Variants in GBF1 observed in about 807,000 individuals in gnomAD.
The protein encoded by GBF1 is Golgi-specific brefeldin A-resistance guanine nucleotide exchange factor 1.
Under a neutral mutation model 210.5 loss-of-function variants are expected in GBF1, and 114 were observed. That is an observed-to-expected ratio of 0.54 (90% CI 0.47 to 0.63). The LOEUF is 0.63. Ranked by LOEUF, GBF1 falls within the 30% of genes least tolerant of loss-of-function variation. The probability of loss-of-function intolerance (pLI) is 0.00; values close to 1 mark genes in which losing one functional copy is unlikely to be tolerated. For missense variants in GBF1, 1,851 were observed against 2,357.7 expected, an observed-to-expected ratio of 0.79 and a Z score of 4.45; for synonymous variants, 850 against 889.2, an observed-to-expected ratio of 0.96 and a Z score of 0.78.
intron 3 of GBF1, among the ~76,000 whole-genome samples, chr10:102,335,720 T>A (rs1435781641): frequency 6.6e-6 from 1 of 152,142 alleles, no homozygotes; most frequent in African/African-American, 2.4e-5. Flanking sequence ...ATCTTCAAAA[T>A]GGGGTTAATT....
intron 3 of GBF1, among the ~76,000 whole-genome samples, chr10:102,282,013 G>GC (rs1468977988): frequency 1.3e-5 from 2 of 148,406 alleles, no homozygotes; most frequent in Non-Finnish European, 3.0e-5. Context: ...TGCAAGCTCC[G>GC]CCTCCCAGGT....
Position 102,307,889 on chromosome 10 carries a change from A to C in GBF1, c.164-36162A>C, listed in dbSNP as rs145702817. 4.5e-3 allele frequency among the ~76,000 whole-genome samples: 680 copies of C among 152,330 alleles called. 3 individuals are homozygous for C. The highest frequency in any genetic ancestry group is 0.01 in the Admixed American group (157 of 15,296). On this transcript the variant is annotated intron_variant, in intron 3 of 39. Coordinates refer to ENST00000369983, the MANE Select transcript of GBF1 (RefSeq NM_001377137.1). ...CACAATAGAGGATACCTAAATAATCAGTAAACATAAGAAAAGGTGCTCAAC... is the reference window on the plus strand; with the variant it reads ...CACAATAGAGGATACCTAAATAATCCGTAAACATAAGAAAAGGTGCTCAAC...
chr10:102,359,032 C>T, intron 10 of GBF1: 1 of 590,792 alleles, frequency 1.7e-6, no homozygotes, highest in Non-Finnish European at 3.0e-6. Context: ...CTGTGAGAGG[C>T]TCTGTGTCTC....
intron 4 of GBF1, among the ~76,000 whole-genome samples, chr10:102,345,439 T>A (rs1217281130): frequency 6.6e-6 from 1 of 150,734 alleles, no homozygotes; most frequent in Non-Finnish European, 1.5e-5. Context: ...GATCATGAGG[T>A]CAGGAGTTTG....
chr10:102,249,988 C>A (rs1192057533), intron 1 of GBF1, among the ~76,000 whole-genome samples: 1 of 152,162 alleles, frequency 6.6e-6, no homozygotes. Context: ...ATGCGCCCAG[C>A]CTTCTCTGGC....
intron 3 of GBF1, among the ~76,000 whole-genome samples, chr10:102,292,035 G>A (rs1001911695): frequency 5.9e-5 from 9 of 151,480 alleles, no homozygotes; most frequent in Non-Finnish European, 8.8e-5. Flanking sequence ...GACTACAGGC[G>A]CCCACCACCA....
intron 3 of GBF1, among the ~76,000 whole-genome samples, chr10:102,329,762 C>T (rs2057195089): frequency 6.6e-6 from 1 of 152,194 alleles, no homozygotes; most frequent in South Asian, 2.1e-4. Context: ...CAAGCCCGGC[C>T]AAGTTTTAAA....
the GBF1 span, chr10:102,230,738 C>T: frequency 1.3e-6 from 2 of 1,492,680 alleles, no homozygotes; most frequent in African/African-American, 1.5e-5. Context: ...GAGGACACGG[C>T]GGCCGGAGCC....
intron 18 of GBF1, 137 bp downstream of exon 18, chr10:102,365,736 C>T: frequency 1.4e-6 from 1 of 733,944 alleles, no homozygotes; most frequent in South Asian, 1.6e-5. Flanking sequence ...CATGGTGAAA[C>T]CCTGTCTCTA....
intron 3 of GBF1, among the ~76,000 whole-genome samples, chr10:102,295,531 A>T (rs950076730): frequency 1.3e-5 from 2 of 152,176 alleles, no homozygotes; most frequent in African/African-American, 4.8e-5. Flanking sequence ...AAGGTTAAAG[A>T]TGTATGAAAT....
the GBF1 span, among the ~76,000 whole-genome samples, chr10:102,233,298 T>C: frequency 7.6e-6 from 1 of 132,096 alleles, no homozygotes; most frequent in Non-Finnish European, 1.5e-5. Context: ...TTTTTTTTTT[T>C]TCCTTCTTTT....
intron 3 of GBF1, among the ~76,000 whole-genome samples, chr10:102,314,774 A>G (rs979261211): frequency 4.6e-5 from 7 of 152,032 alleles, no homozygotes; most frequent in Non-Finnish European, 8.8e-5. Flanking sequence ...CCCTTTCTCA[A>G]ACCTCCTTTT....
chr10:102,350,004 A>G (rs1396172600), intron 4 of GBF1, among the ~76,000 whole-genome samples: 4 of 152,112 alleles, frequency 2.6e-5, no homozygotes, highest in Non-Finnish European at 5.9e-5. Context: ...GTTAAGCTGG[A>G]AACAGGATTC....
intron 3 of GBF1, among the ~76,000 whole-genome samples, chr10:102,272,432 ACTTG>A (rs1458163893): frequency 2.0e-5 from 3 of 152,328 alleles, no homozygotes; most frequent in South Asian, 2.1e-4. Context: ...CAGTTTTGTT[ACTTG>A]CTTCTTATGG....
intron 29 of GBF1, among the ~76,000 whole-genome samples, chr10:102,371,544 A>G (rs1425223380): frequency 6.6e-6 from 1 of 152,258 alleles, no homozygotes. Flanking sequence ...AAATCCCAGA[A>G]AGGTTCTTGT....
At position 102,363,880 on chromosome 10, in the gene GBF1, G is replaced by A; in HGVS notation, c.2106+82G>A. The A allele has an allele frequency of 2.3e-6, 2 of 861,286 alleles. No individual in the cohort carries two copies. Among genetic ancestry groups the A allele is most frequent in the Non-Finnish European group, 3.9e-6 (2 of 514,804 alleles). 53.4% of individuals were successfully genotyped at this position (861,286 alleles called of 1,614,324 possible). A position where few individuals can be genotyped will look rare whatever the true frequency, so the allele number is the denominator to read the frequency against. On this transcript the variant is annotated intron_variant, in intron 17 of 39. Transcript: ENST00000369983. The surrounding 1 kb of genome is among the most constrained non-coding windows in gnomAD (Gnocchi z 4.2). Reference sequence around the variant, plus strand: ...AGGGTTTCCATCTCAGAAGATGAAGGAGAGTCTAGCACCTCATTGTACAGC... The same window carrying A: ...AGGGTTTCCATCTCAGAAGATGAAGAAGAGTCTAGCACCTCATTGTACAGC...
chr10:102,249,097 C>T (rs1181790751), intron 1 of GBF1, among the ~76,000 whole-genome samples: 1 of 152,146 alleles, frequency 6.6e-6, no homozygotes, highest in Non-Finnish European at 1.5e-5. Flanking sequence ...TATTTTTAAG[C>T]CTTTTTCAGG....
At chr10:102,276,423 G>A (rs969316001) in intron 3 of GBF1, among the ~76,000 whole-genome samples, 3 of 150,962 alleles carry the variant, frequency 2.0e-5, no homozygotes, top group Admixed American at 6.6e-5. Context: ...CTACTCAGGA[G>A]TCTGAGGCAG....
At chr10:102,245,414 A>G (rs1450618951), upstream of GBF1, 1 of 151,990 alleles carries the variant, frequency 6.6e-6, no homozygotes, top group Non-Finnish European at 1.5e-5. Context: ...CGCCTCCTGA[A>G]GCCAATTTCC....
Sources: allele counts gnomAD v4.1 joint callset (sites outside exome capture counted in the v4.1 genomes callset), GRCh38; gene constraint gnomAD v4.1.1; non-coding constraint Gnocchi (gnomAD v3.1); transcripts MANE v1.5; gene names NCBI Gene and HGNC (gene_info 2026-07-23, HGNC 2026-07-21).